HOOK3: variants seen among roughly 807,000 people sequenced by gnomAD.
HOOK3 encodes protein Hook homolog 3.
Under a neutral mutation model 116.3 loss-of-function variants are expected in HOOK3, and 24 were observed. The ratio of observed to expected loss-of-function variants is 0.21; its 90% CI spans 0.15 to 0.29. The LOEUF (loss-of-function observed/expected upper bound fraction) is 0.29. Ranked by LOEUF, HOOK3 falls within the 10% of genes least tolerant of loss-of-function variation. The pLI is 1.00. For synonymous variants in HOOK3, 275 were observed against 283.0 expected (o/e 0.97, Z 0.28); for missense variants, 632 against 830.2 (o/e 0.76, Z 2.93).
In HOOK3 at chr8:43,025,428, A is replaced by G. The variant is rs60748981; in HGVS notation, c.*6930A>G. The G allele has an allele frequency of 0.019, 3,975 of 213,996 alleles. 160 individuals carry two copies. The highest frequency in any genetic ancestry group is 0.083 in the African/African-American group (3,700 of 44,386). 13.3% of individuals were successfully genotyped at this position (213,996 alleles called of 1,614,324 possible). A position where few individuals can be genotyped will look rare whatever the true frequency, so the allele number is the denominator to read the frequency against. On this transcript the variant is annotated 3_prime_UTR_variant, in exon 22 of 22. Transcript: ENST00000307602. Reference sequence around the variant, plus strand: ...ATAAACAAATATGCAGGCAGAGGGAAGTCCTAATACAATGAAAACTTGCAT... The same window carrying G: ...ATAAACAAATATGCAGGCAGAGGGAGGTCCTAATACAATGAAAACTTGCAT...
chr8:43,008,657 ATT>A (rs1176623906), intron 18 of HOOK3, among the ~76,000 whole-genome samples: 5 of 143,894 alleles, frequency 3.5e-5, no homozygotes, highest in African/African-American at 1.0e-4. Flanking sequence ...TTTTATTTTT[ATT>A]TTTATTTTTT....
intron 15 of HOOK3, among the ~76,000 whole-genome samples, chr8:42,992,918 C>T (rs190061028): frequency 3.6e-4 from 54 of 152,008 alleles, no homozygotes; most frequent in Admixed American, 1.1e-3. Context: ...TCAGTTTTTC[C>T]CCATTCAGTA....
At chr8:42,898,693 G>GT (rs931575542) in intron 1 of HOOK3, among the ~76,000 whole-genome samples, 7 of 152,198 alleles carry the variant, frequency 4.6e-5, no homozygotes, top group African/African-American at 1.7e-4. Flanking sequence ...GGGCTACATT[G>GT]TTTAAAATCT....
chr8:42,920,730 G>C (rs1368091000), intron 2 of HOOK3, among the ~76,000 whole-genome samples: 1 of 152,186 alleles, frequency 6.6e-6, no homozygotes, highest in African/African-American at 2.4e-5. Context: ...TGATTGTACT[G>C]TCAACTCTGA....
chr8:42,952,680 T>C (rs1808364538), intron 6 of HOOK3, among the ~76,000 whole-genome samples: 2 of 152,248 alleles, frequency 1.3e-5, no homozygotes, highest in African/African-American at 4.8e-5. Context: ...GGAAATTCTT[T>C]ATTACCCAGC....
chr8:42,939,292 G>A (rs1351878200), intron 4 of HOOK3, among the ~76,000 whole-genome samples: 9 of 152,146 alleles, frequency 5.9e-5, no homozygotes, highest in South Asian at 2.1e-4. Context: ...CAGTAGGGGC[G>A]GCCGGGCAGA....
chr8:42,979,012 C>T (rs895595222), intron 13 of HOOK3, among the ~76,000 whole-genome samples: 4 of 152,162 alleles, frequency 2.6e-5, no homozygotes, highest in Non-Finnish European at 2.9e-5. Context: ...CATCCTAGCA[C>T]TTTGGGAGGC....
chr8:42,974,652 G>A (rs539465302), intron 13 of HOOK3, among the ~76,000 whole-genome samples: 2 of 152,292 alleles, frequency 1.3e-5, no homozygotes, highest in East Asian at 1.9e-4. Flanking sequence ...CGCAAAGCCC[G>A]GGCTCCAGCG....
chr8:42,954,942 G>T (rs1265722328), intron 6 of HOOK3, among the ~76,000 whole-genome samples: 1 of 152,190 alleles, frequency 6.6e-6, no homozygotes, highest in Non-Finnish European at 1.5e-5. Flanking sequence ...TGATGAGTGT[G>T]GGTGAGTTGG....
chr8:43,018,320 T>A (rs1286194905), intron 21 of HOOK3, 38 bp from the exon 22 acceptor site: 1 of 1,542,966 alleles, frequency 6.5e-7, no homozygotes, highest in Non-Finnish European at 8.7e-7. Flanking sequence ...TGTTCCACTA[T>A]TTTTTCATTG....
chr8:42,910,271 T>C (rs1434304632), intron 2 of HOOK3, among the ~76,000 whole-genome samples: 1 of 152,212 alleles, frequency 6.6e-6, no homozygotes, highest in Non-Finnish European at 1.5e-5. Flanking sequence ...TTTTGCAAAG[T>C]GGTCTTTTCA....
chr8:43,010,244 A>G, intron 18 of HOOK3, 61 bp from the exon 19 acceptor site: 1 of 335,476 alleles, frequency 3.0e-6, no homozygotes, highest in South Asian at 1.2e-4. Flanking sequence ...AAATTTATTT[A>G]TATTATAACA....
chr8:42,995,387 C>T (rs2130464492), intron 15 of HOOK3, among the ~76,000 whole-genome samples: 1 of 152,218 alleles, frequency 6.6e-6, no homozygotes, highest in East Asian at 1.9e-4. Flanking sequence ...CTTTCCTCAC[C>T]TTTCTACTAT....
intron 4 of HOOK3, among the ~76,000 whole-genome samples, chr8:42,941,070 C>G (rs927550542): frequency 2.0e-5 from 3 of 151,956 alleles, no homozygotes; most frequent in African/African-American, 7.2e-5. Flanking sequence ...TCTTGGCCTC[C>G]CAAGTAGCTA....
intron 4 of HOOK3, 62 bp from the exon 5 acceptor site, chr8:42,943,251 G>GTTT (rs373167898): frequency 2.5e-4 from 216 of 872,868 alleles, no homozygotes; most frequent in South Asian, 3.5e-4. Context: ...CCTCGATCAA[G>GTTT]TTTTTTTTTT....
chr8:43,000,189 C>A, intron 16 of HOOK3: 1 of 853,616 alleles, frequency 1.2e-6, no homozygotes, highest in Non-Finnish European at 1.7e-6. Flanking sequence ...TCATGAATTA[C>A]TAAATCGTTG....
At chr8:42,918,170 T>C (rs1380593269) in intron 2 of HOOK3, among the ~76,000 whole-genome samples, 1 of 151,976 alleles carries the variant, frequency 6.6e-6, no homozygotes, top group Non-Finnish European at 1.5e-5. Flanking sequence ...AAACCCTGTC[T>C]CTACTAAAAA....
At position 42,958,264 on chromosome 8, in the gene HOOK3, G is replaced by A. The variant is rs946640307; in HGVS notation, c.532-967G>A. Among the ~76,000 whole-genome samples the A allele has an allele frequency of 5.9e-5, 9 of 152,126 alleles. No homozygotes were observed. In the South Asian group the frequency reaches 1.9e-3, roughly 32 times the overall value. Reference sequence around the variant, plus strand: ...TTCTTTCACTTCCTTCTTTCTAAATGTTTTGCAGGAAAATCTTTGGACATG... The same window carrying A: ...TTCTTTCACTTCCTTCTTTCTAAATATTTTGCAGGAAAATCTTTGGACATG... On this transcript the variant is annotated intron_variant, in intron 7 of 21. Transcript: ENST00000307602.
At chr8:43,005,199 C>CTCTCTCTCTA (rs151178560) in intron 17 of HOOK3, among the ~76,000 whole-genome samples, 1 of 95,236 alleles carries the variant, frequency 1.1e-5, no homozygotes, top group African/African-American at 3.9e-5. Context: ...CTCTCTCTCT[C>CTCTCTCTCTA]TATATATATA....
Sources: gnomAD v4.1 joint callset for allele counts (sites outside exome capture counted in the v4.1 genomes callset) on GRCh38, gnomAD v4.1.1 for gene constraint, MANE v1.5 for transcripts, NCBI Gene and HGNC (gene_info 2026-07-23, HGNC 2026-07-21) for gene names.